The following PDE4D variants were observed in gnomAD, a reference collection of about 807,000 sequenced individuals.
PDE4D encodes phosphodiesterase 4D.
In PDE4D, 24 loss-of-function variants were observed where a neutral mutation model predicts 87.4. The ratio of observed to expected loss-of-function variants is 0.27; its 90% CI spans 0.20 to 0.39. The LOEUF (loss-of-function observed/expected upper bound fraction) is 0.39. Among genes scored for constraint, PDE4D ranks in the 10% least tolerant of loss-of-function variants. The pLI is 1.00. For synonymous variants in PDE4D, 384 were observed against 383.2 expected, an observed-to-expected ratio of 1.00 and a Z score of -0.02; for missense variants, 714 against 1,041.0, an observed-to-expected ratio of 0.69 and a Z score of 4.32.
chr5:60,080,803 G>T (rs192168228), intron 2 of PDE4D, among the ~76,000 whole-genome samples: 7 of 152,106 alleles, frequency 4.6e-5, no homozygotes, highest in Non-Finnish European at 1.0e-4. Context: ...GAGGATTTTC[G>T]CATGGATGTT....
intron 5 of PDE4D, among the ~76,000 whole-genome samples, chr5:59,172,124 TTA>T (rs546372816): frequency 1.2e-4 from 10 of 83,064 alleles, no homozygotes; most frequent in South Asian, 6.9e-4. Context: ...TAAATATATA[TTA>T]TATATATAAT....
At chr5:59,036,404 A>G (rs1329545874) in intron 6 of PDE4D, among the ~76,000 whole-genome samples, 6 of 152,222 alleles carry the variant, frequency 3.9e-5, no homozygotes, top group African/African-American at 1.2e-4. Context: ...TAAAACTAAC[A>G]ACTGAAAAGC....
intron 1 of PDE4D, among the ~76,000 whole-genome samples, chr5:59,883,817 A>G (rs1749788856): frequency 6.6e-6 from 1 of 152,150 alleles, no homozygotes. Context: ...AATTAATGAA[A>G]TGAATTTTTG....
chr5:59,205,201 A>AT (rs34254880), intron 2 of PDE4D, among the ~76,000 whole-genome samples: 46,355 of 151,076 alleles, frequency 0.31, 7,225 homozygotes, highest in South Asian at 0.35. Context: ...ATGCAGTGAG[A>AT]TTTTTTTTTT....
At chr5:59,809,249 T>C (rs1187832296) in intron 1 of PDE4D, among the ~76,000 whole-genome samples, 4 of 152,152 alleles carry the variant, frequency 2.6e-5, no homozygotes, top group Non-Finnish European at 5.9e-5. Context: ...CTAGTTGGTA[T>C]AGAGCACCAC....
chr5:59,299,134 C>A (rs1769676201), intron 1 of PDE4D, among the ~76,000 whole-genome samples: 1 of 152,300 alleles, frequency 6.6e-6, no homozygotes, highest in East Asian at 1.9e-4. Context: ...TAGCTCCTTG[C>A]CTGAAGGTTT....
chr5:60,240,093 A>G (rs1470722923), intron 1 of PDE4D, among the ~76,000 whole-genome samples: 1 of 151,932 alleles, frequency 6.6e-6, no homozygotes, highest in Non-Finnish European at 1.5e-5. Flanking sequence ...TAGTCTTTTC[A>G]GGGCTTTCAG....
intron 3 of PDE4D, among the ~76,000 whole-genome samples, chr5:59,981,643 T>A (rs987181521): frequency 2.0e-5 from 3 of 152,194 alleles, no homozygotes; most frequent in African/African-American, 7.2e-5. Flanking sequence ...TAACATTCAA[T>A]AAGAACTTAG....
At chr5:59,006,567 G>A (rs1200549770) in intron 6 of PDE4D, among the ~76,000 whole-genome samples, 1 of 151,648 alleles carries the variant, frequency 6.6e-6, no homozygotes, top group East Asian at 1.9e-4. Context: ...GGATGACAGA[G>A]CAAGACCTTG....
intron 1 of PDE4D, among the ~76,000 whole-genome samples, chr5:60,214,116 C>T (rs1205121745): frequency 6.6e-6 from 1 of 152,096 alleles, no homozygotes; most frequent in East Asian, 1.9e-4. Context: ...ATGCTAAGAT[C>T]ACAAATAAAA....
At chr5:59,309,691 A>G (rs1387484091) in intron 1 of PDE4D, among the ~76,000 whole-genome samples, 3 of 152,152 alleles carry the variant, frequency 2.0e-5, no homozygotes, top group African/African-American at 7.2e-5. Context: ...TTGTTCTTGC[A>G]GTCAATCTGG....
chr5:60,515,610 TTTTTTTTTTC>T (rs1750765854), intron 1 of PDE4D, among the ~76,000 whole-genome samples: 1 of 148,510 alleles, frequency 6.7e-6, no homozygotes, highest in African/African-American at 2.5e-5. Flanking sequence ...TCTTTTTTTT[TTTTTTTTTTC>T]TGTCAGGATG....
chr5:60,317,206 T>C (rs1376335257), intron 1 of PDE4D, among the ~76,000 whole-genome samples: 1 of 152,228 alleles, frequency 6.6e-6, no homozygotes, highest in Non-Finnish European at 1.5e-5. Context: ...TCTTCCTGGT[T>C]TAGTCTTGGG....
chr5:59,910,492 T>C (rs946624933), intron 3 of PDE4D, among the ~76,000 whole-genome samples: 3 of 152,204 alleles, frequency 2.0e-5, no homozygotes, highest in African/African-American at 4.8e-5. Context: ...GACTACAAAA[T>C]TGATCCCAAA....
intron 1 of PDE4D, among the ~76,000 whole-genome samples, chr5:59,740,099 G>T (rs1758623906): frequency 6.6e-6 from 1 of 152,098 alleles, no homozygotes; most frequent in African/African-American, 2.4e-5. Context: ...TATAAAAGTA[G>T]AAAATACTTT....
chr5:59,634,577 G>C (rs142509261), intron 1 of PDE4D, among the ~76,000 whole-genome samples: 5 of 152,058 alleles, frequency 3.3e-5, no homozygotes, highest in Admixed American at 3.3e-4. Context: ...TCAGGATTAA[G>C]AACTAACTCA....
At chr5:60,093,472 A>C (rs1775351346) in intron 2 of PDE4D, among the ~76,000 whole-genome samples, 2 of 152,138 alleles carry the variant, frequency 1.3e-5, no homozygotes, top group African/African-American at 4.8e-5. Context: ...ATCAGGGCAA[A>C]AGGATGGAAA....
At position 60,161,070 on chromosome 5, in the gene PDE4D, G is replaced by A. The variant is rs532101408; in HGVS notation, c.42+24487C>T. On this transcript the variant is annotated intron_variant, in intron 2 of 16. Transcript: ENST00000502484. ...TTAATTGACATAGAATTTTCTAAAAGAAAGTAGAAGGAGAAGGAAATAGTT... is the reference window on the plus strand; with the variant it reads ...TTAATTGACATAGAATTTTCTAAAAAAAAGTAGAAGGAGAAGGAAATAGTT... 3.3e-5 allele frequency among the ~76,000 whole-genome samples: 5 copies of A among 152,232 alleles called. No individual in the cohort carries two copies. The South Asian group carries it at 1.0e-3, about 32-fold the overall frequency.
chr5:59,403,341 A>AT (rs1791037193), intron 1 of PDE4D, among the ~76,000 whole-genome samples: 1 of 152,212 alleles, frequency 6.6e-6, no homozygotes, highest in African/African-American at 2.4e-5. Context: ...GAGATGTATG[A>AT]TAAACTACTG....
Sources: allele counts gnomAD v4.1 joint callset (sites outside exome capture counted in the v4.1 genomes callset), GRCh38; gene constraint gnomAD v4.1.1; transcripts MANE v1.5; gene names NCBI Gene and HGNC (gene_info 2026-07-23, HGNC 2026-07-21).